Variants in PCDHA5 observed in about 807,000 individuals in gnomAD.
PCDHA5 encodes protocadherin alpha-5.
Under a neutral mutation model 61.6 loss-of-function variants are expected in PCDHA5, and 43 were observed. The observed-to-expected ratio is 0.70, with a 90% CI of 0.55 to 0.90. The LOEUF (loss-of-function observed/expected upper bound fraction) is 0.90, where lower values mean the gene tolerates loss of function less well. PCDHA5 is among the 40% of genes least tolerant of loss of function. The pLI, the probability that PCDHA5 is intolerant of heterozygous loss-of-function variation, is 0.00. For synonymous variants in PCDHA5, 627 were observed against 543.9 expected (o/e 1.15, Z -2.13); for missense variants, 1,298 against 1,222.7 (o/e 1.06, Z -0.92).
chr5:140,933,772 C>T, intron 1 of PCDHA5, among the ~76,000 whole-genome samples: 1 of 152,176 alleles, frequency 6.6e-6, no homozygotes, highest in African/African-American at 2.4e-5. Flanking sequence ...TCTGTACCTA[C>T]AGTTTTCTTT....
Position 140,823,546 on chromosome 5 carries a change from G to A in PCDHA5, c.1771G>A (p.Ala591Thr). ...GTCAGTGGGTGCGGGCCACGTGGTG[G>A]CGAAGGTGCGCGCAGTGGACCCTGA... ...PRSVGAGHVV[A>T]KVRAVDPDSG... Residue 591 changes from alanine (A) to threonine (T), a missense_variant, in exon 1 of 4, where the codon GCG becomes ACG. By Grantham distance (58) the Ala-to-Thr change is moderately conservative. Coordinates refer to ENST00000529859, the MANE Select transcript of PCDHA5 (RefSeq NM_018908.3). The A allele has an allele frequency of 6.2e-7, 1 of 1,613,872 alleles. No homozygotes were observed.
At chr5:140,900,369 CTGGGT>C (rs1554189090) in intron 1 of PCDHA5, among the ~76,000 whole-genome samples, 2 of 152,158 alleles carry the variant, frequency 1.3e-5, no homozygotes, top group Non-Finnish European at 2.9e-5. Flanking sequence ...CCTCTGCCTC[CTGGGT>C]TCAAGCGATT....
At chr5:140,927,146 A>T (rs2083897470) in intron 1 of PCDHA5, 1 of 1,614,156 alleles carries the variant, frequency 6.2e-7, no homozygotes, top group East Asian at 2.2e-5. Context: ...GACCGCGAAC[A>T]GCTGTGCAGG....
chr5:140,830,499 C>A (rs2150187273), intron 1 of PCDHA5: 4 of 1,454,248 alleles, frequency 2.8e-6, no homozygotes, highest in Non-Finnish European at 3.7e-6. Flanking sequence ...AGTGAATTTT[C>A]ATAATTAACA....
At chr5:140,841,325 G>T in intron 1 of PCDHA5, 1 of 1,608,154 alleles carries the variant, frequency 6.2e-7, no homozygotes, top group Non-Finnish European at 8.5e-7. Flanking sequence ...ATTTAACATG[G>T]ATTATCACTG....
intron 1 of PCDHA5, chr5:140,871,407 C>G: frequency 6.2e-7 from 1 of 1,614,070 alleles, no homozygotes; most frequent in Non-Finnish European, 8.5e-7. Context: ...AGACGGACCT[C>G]ATGGCCTTCA....
intron 3 of PCDHA5, among the ~76,000 whole-genome samples, chr5:141,004,899 C>A (rs898562164): frequency 4.6e-5 from 7 of 152,096 alleles, no homozygotes. Context: ...TCAGCTCTGC[C>A]AGGGTGTAAG....
chr5:140,847,832 C>T (rs1426202743), intron 1 of PCDHA5: 2 of 149,636 alleles, frequency 1.3e-5, no homozygotes, highest in Non-Finnish European at 3.0e-5. Context: ...AGAAAACTAC[C>T]TCAGTTGGTT....
rs782319322 is a variant in PCDHA5, at chr5:140,870,788, C to T, written c.2352+46661C>T. 6 of 1,613,518 alleles carry T rather than the reference C, an allele frequency of 3.7e-6. No individual in the cohort carries two copies. The Admixed American group carries it at 6.7e-5, about 18-fold the overall frequency. On this transcript the variant is annotated intron_variant, in intron 1 of 3. Coordinates refer to ENST00000529859, the MANE Select transcript of PCDHA5 (RefSeq NM_018908.3). Reference sequence around the variant, plus strand: ...GTGCTGGACGAGAACGACAACGCGCCGGCACTGCTGGCGACTCAGGCTGGC... The same window carrying T: ...GTGCTGGACGAGAACGACAACGCGCTGGCACTGCTGGCGACTCAGGCTGGC...
Position 141,009,950 on chromosome 5 carries a change from G to C in PCDHA5, c.*13G>C, listed in dbSNP as rs782235440. On this transcript the variant is annotated 3_prime_UTR_variant, in exon 4 of 4. Coordinates refer to ENST00000529859, the MANE Select transcript of PCDHA5 (RefSeq NM_018908.3). ...CAGTGACCAGTGAGGTCCTCAAATGGAAACAAGCCACTTAGCCAGTTTTTG... is the reference window on the plus strand; with the variant it reads ...CAGTGACCAGTGAGGTCCTCAAATGCAAACAAGCCACTTAGCCAGTTTTTG... 12 of 1,593,098 alleles carry C rather than the reference G, an allele frequency of 7.5e-6. No individual in the cohort carries two copies. In the East Asian group the frequency reaches 2.5e-4, roughly 33 times the overall value.
In PCDHA5 at chr5:140,884,578, G is replaced by A. The variant is rs1554181757; in HGVS notation, c.2352+60451G>A. 6 of 1,614,104 alleles carry A rather than the reference G, an allele frequency of 3.7e-6. No homozygotes were observed. In the South Asian group the frequency reaches 4.4e-5, roughly 12 times the overall value. On this transcript the variant is annotated intron_variant, in intron 1 of 3. Transcript: ENST00000529859. ...AGGGCCCGCATAAGACGGACCTCAT[G>A]GCCTTCAGTCCCAGCCTTCCTCCTT...
chr5:140,868,540 A>T (rs1244659306), intron 1 of PCDHA5: 2 of 152,656 alleles, frequency 1.3e-5, no homozygotes, highest in Admixed American at 6.5e-5. Flanking sequence ...AAACAATTCA[A>T]ATTTGATAGT....
chr5:140,841,588 G>A (rs2150318650), intron 1 of PCDHA5: 2 of 1,614,070 alleles, frequency 1.2e-6, no homozygotes, highest in South Asian at 2.2e-5. Flanking sequence ...TGAATTCTCG[G>A]ATCGACCGCG....
At chr5:140,850,261 T>C (rs2150476326) in intron 1 of PCDHA5, 3 of 1,592,442 alleles carry the variant, frequency 1.9e-6, no homozygotes, top group African/African-American at 1.4e-5. Flanking sequence ...GGCGCCGGCG[T>C]AGTGGTGGGG....
intron 1 of PCDHA5, among the ~76,000 whole-genome samples, chr5:140,826,743 G>GA (rs1245871105): frequency 1.3e-5 from 2 of 152,122 alleles, no homozygotes; most frequent in African/African-American, 4.8e-5. Flanking sequence ...TATATTGTCA[G>GA]AAAAATAAGA....
In PCDHA5 at chr5:140,823,154, C is replaced by A; in HGVS notation, c.1379C>A (p.Thr460Asn). Residue 460 changes from threonine (T) to asparagine (N), a missense_variant, in exon 1 of 4, where the codon ACC (threonine) becomes AAC (asparagine). Coordinates refer to ENST00000529859, the MANE Select transcript of PCDHA5 (RefSeq NM_018908.3). Reference protein sequence around the residue: ...NAPAFAQPQYTVFVKENNPPG... With the variant: ...NAPAFAQPQYNVFVKENNPPG... ...CCGGCGTTCGCGCAGCCCCAGTATA[C>A]CGTGTTCGTGAAGGAGAACAACCCG... 1.9e-6 allele frequency: 3 copies of A among 1,613,878 alleles called. No homozygotes were observed. Among genetic ancestry groups the A allele is most frequent in the Non-Finnish European group, 2.5e-6 (3 of 1,179,906 alleles).
At chr5:140,850,442 G>A in intron 1 of PCDHA5, 1 of 1,598,036 alleles carries the variant, frequency 6.3e-7, no homozygotes, top group Non-Finnish European at 8.6e-7. Flanking sequence ...GCCTACTGGT[G>A]CTGGTGAAAG....
intron 1 of PCDHA5, among the ~76,000 whole-genome samples, chr5:140,875,148 G>T (rs1267290548): frequency 2.0e-5 from 3 of 152,118 alleles, no homozygotes; most frequent in Non-Finnish European, 4.4e-5. Context: ...TAAATGATCC[G>T]TGAAAAATAA....
chr5:140,841,394 A>G (rs2150314638), intron 1 of PCDHA5: 1 of 1,613,274 alleles, frequency 6.2e-7, no homozygotes, highest in East Asian at 2.2e-5. Context: ...CGCAGCCTGG[A>G]AGGTGGGGAG....
Sources: gnomAD v4.1 joint callset for allele counts (sites outside exome capture counted in the v4.1 genomes callset) on GRCh38, gnomAD v4.1.1 for gene constraint, MANE v1.5 for transcripts, NCBI Gene and HGNC (gene_info 2026-07-23, HGNC 2026-07-21) for gene names.